ERAP2: variants seen among roughly 807,000 people sequenced by gnomAD.
The protein encoded by ERAP2 is leukocyte-derived arginine aminopeptidase.
Under a neutral mutation model 111.1 loss-of-function variants are expected in ERAP2, and 118 were observed. That is an observed-to-expected ratio of 1.06 (90% CI 0.92 to 1.24). ERAP2 has a LOEUF of 1.24. Among genes scored for constraint, ERAP2 ranks in the 50% most tolerant of loss-of-function variants. The pLI is 0.00. For synonymous variants in ERAP2, 410 were observed against 401.2 expected (o/e 1.02, Z -0.26); for missense variants, 1,131 against 1,125.8 (o/e 1.00, Z -0.07).
At chr5:96,905,101 A>G (rs894112174) in intron 13 of ERAP2, among the ~76,000 whole-genome samples, 2 of 152,206 alleles carry the variant, frequency 1.3e-5, no homozygotes, top group Admixed American at 6.5e-5. Flanking sequence ...TAAGTGCAGT[A>G]CTTACTCAAT....
intron 10 of ERAP2, 41 bp from the exon 11 acceptor site, chr5:96,901,465 T>C (rs771980287): frequency 6.3e-7 from 1 of 1,596,702 alleles, no homozygotes; most frequent in South Asian, 1.1e-5. Context: ...CTTTGGATTG[T>C]CTCCTCTCTC....
rs1216575599 is a variant in ERAP2 at position 96,903,496 on chromosome 5, A to G, written c.1948A>G (p.Asn650Asp). The change falls in exon 13 of 19, where the codon AAC becomes GAC. Residue 650 changes from asparagine (N) to aspartate (D), a missense_variant. Transcript: ENST00000437043. ...WDQLITQLNQ[N>D]HTLLRPKDRV... is the part of the protein sequence containing the mutation. Reference sequence around the variant, plus strand: ...CCAACTCATTACACAGCTGAATCAGAACCACACACTTCTCAGACCTAAGGA... The same window carrying G: ...CCAACTCATTACACAGCTGAATCAGGACCACACACTTCTCAGACCTAAGGA... The G allele has an allele frequency of 6.2e-7, 1 of 1,613,960 alleles. No homozygotes were observed. Among genetic ancestry groups the G allele is most frequent in the African/African-American group, 1.3e-5 (1 of 74,938 alleles).
chr5:96,908,331 C>T (rs1786333025), intron 13 of ERAP2, among the ~76,000 whole-genome samples: 1 of 152,188 alleles, frequency 6.6e-6, no homozygotes, highest in Admixed American at 6.5e-5. Flanking sequence ...GATGCCCCAG[C>T]ATTTTGTACT....
intron 2 of ERAP2, 104 bp downstream of exon 2, chr5:96,880,364 G>C: frequency 9.7e-7 from 1 of 1,035,092 alleles, no homozygotes; most frequent in Non-Finnish European, 1.4e-6. Flanking sequence ...GAGAAATCCA[G>C]TGAACTATGG....
Position 96,892,368 on chromosome 5 carries a change from C to T in ERAP2, c.1040C>T (p.Thr347Met), listed in dbSNP as rs75263594. 0.029 allele frequency: 46,455 copies of T among 1,613,902 alleles called. 776 individuals are homozygous for T. The highest frequency in any genetic ancestry group is 0.053 in the Middle Eastern group (324 of 6,060). The change falls in exon 6 of 19, where the codon ACG becomes ATG. Residue 347 changes from threonine to methionine, a missense_variant. Transcript: ENST00000437043. ...ENWGLITYRE[T>M]SLLFDPKTSS... is the part of the protein sequence containing the mutation. ...TGGGGCCTCATTACATATAGGGAGA[C>T]GTCACTGCTTTTTGACCCCAAGACC...
intron 5 of ERAP2, among the ~76,000 whole-genome samples, chr5:96,890,466 A>C (rs1381569427): frequency 6.6e-6 from 1 of 152,164 alleles, no homozygotes; most frequent in Non-Finnish European, 1.5e-5. Flanking sequence ...CTAATAGGCC[A>C]TTGACAGGTA....
At position 96,919,134 on chromosome 5, in the gene ERAP2, AG is replaced by A. The variant is rs1787735809; in HGVS notation, c.*1533del. ...GGAAGACTTGGGATGTTGGGTCAAGAGGGGAAAGTGTTAGTCAATCCACTTT... is the reference window on the plus strand; with the variant it reads ...GGAAGACTTGGGATGTTGGGTCAAGAGGGAAAGTGTTAGTCAATCCACTTT... On this transcript the variant is annotated 3_prime_UTR_variant, in exon 19 of 19. Coordinates refer to ENST00000437043, the MANE Select transcript of ERAP2 (RefSeq NM_022350.5). 2 of 152,236 alleles carry A rather than the reference AG, an allele frequency of 1.3e-5. No homozygotes were observed. The highest frequency in any genetic ancestry group is 2.9e-5 in the Non-Finnish European group (2 of 68,046). The allele number at this position is 152,236 out of a possible 1,614,324, so 9.4% of individuals were successfully genotyped here.
intron 13 of ERAP2, among the ~76,000 whole-genome samples, chr5:96,907,907 G>T (rs1478802617): frequency 6.6e-6 from 1 of 151,744 alleles, no homozygotes; most frequent in Non-Finnish European, 1.5e-5. Context: ...ATATATATAT[G>T]GCAGACCACA....
intron 16 of ERAP2, 67 bp downstream of exon 16, chr5:96,912,865 C>A: frequency 7.6e-7 from 1 of 1,323,490 alleles, no homozygotes; most frequent in Non-Finnish European, 1.0e-6. Context: ...GTCACTAAAA[C>A]TTCAGCCACC....
rs950270468 is a variant in ERAP2 at position 96,906,548 on chromosome 5, G to C, written c.2013-2413G>C. ...TTCCCCAATTGCTGGGATTACAGGT[G>C]TGAGCCACTGCACCCAGAATGGAGA... On this transcript the variant is annotated intron_variant, in intron 13 of 18. Coordinates refer to ENST00000437043, the MANE Select transcript of ERAP2 (RefSeq NM_022350.5). 3.3e-5 allele frequency among the ~76,000 whole-genome samples: 5 copies of C among 152,322 alleles called. No homozygotes were observed. The East Asian group carries it at 9.6e-4, about 29-fold the overall frequency.
At chr5:96,896,540 T>TC in intron 8 of ERAP2, 36 bp downstream of exon 8, 1 of 1,559,518 alleles carries the variant, frequency 6.4e-7, no homozygotes, top group Non-Finnish European at 8.6e-7. Flanking sequence ...AGCTCTGCTT[T>TC]CAGAAGTGTA....
At chr5:96,910,528 T>C (rs1786616473) in intron 15 of ERAP2, among the ~76,000 whole-genome samples, 2 of 152,286 alleles carry the variant, frequency 1.3e-5, no homozygotes, top group Non-Finnish European at 2.9e-5. Context: ...ATGGGTTGTA[T>C]GAGTGAAGCT....
chr5:96,883,496 C>T (rs1049361882), intron 2 of ERAP2, among the ~76,000 whole-genome samples: 4 of 152,164 alleles, frequency 2.6e-5, no homozygotes, highest in South Asian at 2.1e-4. Context: ...TTACTGGCTG[C>T]GGATCCTGCT....
chr5:96,906,428 A>C (rs529965482), intron 13 of ERAP2, among the ~76,000 whole-genome samples: 1 of 152,116 alleles, frequency 6.6e-6, no homozygotes, highest in East Asian at 1.9e-4. Flanking sequence ...CACCATGCCC[A>C]ACCAATTTTT....
intron 17 of ERAP2, among the ~76,000 whole-genome samples, chr5:96,914,428 C>A (rs1344936907): frequency 6.6e-6 from 1 of 152,158 alleles, no homozygotes; most frequent in Non-Finnish European, 1.5e-5. Context: ...GAGTTGACGT[C>A]CACATGAGAC....
At chr5:96,891,588 C>A (rs893803652) in intron 5 of ERAP2, among the ~76,000 whole-genome samples, 1 of 151,178 alleles carries the variant, frequency 6.6e-6, no homozygotes, top group African/African-American at 2.4e-5. Context: ...CACACACACA[C>A]ACACACGTAA....
At chr5:96,891,701 G>A (rs1389607026) in intron 5 of ERAP2, among the ~76,000 whole-genome samples, 1 of 151,826 alleles carries the variant, frequency 6.6e-6, no homozygotes, top group Non-Finnish European at 1.5e-5. Flanking sequence ...GTGTTGAAAA[G>A]GAAATTGAAG....
At chr5:96,886,895 T>C in intron 4 of ERAP2, 106 bp downstream of exon 4, 1 of 1,090,640 alleles carries the variant, frequency 9.2e-7, no homozygotes, top group Non-Finnish European at 1.2e-6. Context: ...TATGTTTATA[T>C]TACAAGAAGA....
intron 10 of ERAP2, among the ~76,000 whole-genome samples, 179 bp from the exon 11 acceptor site, chr5:96,901,327 G>A (rs1785437705): frequency 6.6e-6 from 1 of 152,136 alleles, no homozygotes; most frequent in African/African-American, 2.4e-5. Flanking sequence ...TTTGCAGAGA[G>A]CAGCCCTGGG....
Sources: gnomAD v4.1 joint callset for allele counts (sites outside exome capture counted in the v4.1 genomes callset) on GRCh38, gnomAD v4.1.1 for gene constraint, MANE v1.5 for transcripts, NCBI Gene and HGNC (gene_info 2026-07-23, HGNC 2026-07-21) for gene names.